GIT2: variants seen among roughly 807,000 people sequenced by gnomAD.
The protein encoded by GIT2 is GIT ArfGAP 2.
In GIT2, 32 loss-of-function variants were observed where a neutral mutation model predicts 100.3. That is an observed-to-expected ratio of 0.32 (90% CI 0.24 to 0.43). The LOEUF (loss-of-function observed/expected upper bound fraction) is 0.43. Among genes scored for constraint, GIT2 ranks in the 20% least tolerant of loss-of-function variants. The pLI, the probability that GIT2 is intolerant of heterozygous loss-of-function variation, is 1.00. For missense variants in GIT2, 737 were observed against 975.1 expected (o/e 0.76, Z 3.25); for synonymous variants, 353 against 364.1 (o/e 0.97, Z 0.35).
intron 11 of GIT2, among the ~76,000 whole-genome samples, chr12:109,960,949 G>A (rs1373149318): frequency 6.6e-6 from 1 of 152,132 alleles, no homozygotes; most frequent in African/African-American, 2.4e-5. Flanking sequence ...CCAGTTTGGA[G>A]TATCCTTTAT....
chr12:109,947,322 A>G lies in GIT2; in HGVS notation c.1575T>C (p.Tyr525=). 1 of 1,614,032 alleles carries G rather than the reference A, an allele frequency of 6.2e-7. No homozygotes were observed. Among genetic ancestry groups the G allele is most frequent in the Non-Finnish European group, 8.5e-7 (1 of 1,179,970 alleles). ...GGCGGCTCGCTTCTCCCATTGGGAG[A>G]TATGGTTTCTGACCTGATCCGGTCT... ...MYETGSGQKP[Y]LPMGEASRPE... The change falls in exon 15 of 20, where the codon TAT becomes TAC. Residue 525 remains tyrosine (Y), a synonymous_variant. Transcript: ENST00000355312. The surrounding 1 kb of genome is among the most constrained non-coding windows in gnomAD (Gnocchi z 4.3).
At chr12:109,949,121 G>A (rs976659894) in intron 14 of GIT2, 2 of 426,584 alleles carry the variant, frequency 4.7e-6, no homozygotes, top group South Asian at 4.4e-5. Flanking sequence ...GCTCATATCT[G>A]CAATTCCCTT....
rs1246072432 is a variant in GIT2 at position 109,989,055 on chromosome 12, C to T, written c.313G>A (p.Glu105Lys). 3 of 1,607,818 alleles carry T rather than the reference C, an allele frequency of 1.9e-6. No homozygotes were observed. Among genetic ancestry groups the T allele is most frequent in the Admixed American group, 1.7e-5 (1 of 59,986 alleles). The change falls in exon 4 of 20, where the codon GAA becomes AAA. Residue 105 changes from glutamate (E) to lysine (K), a missense_variant. This residue lies in a region of GIT2 where 266 missense variants were observed against 376.2 expected (regional missense o/e 0.71). Transcript: ENST00000355312. Reference protein sequence around the residue: ...PQDKVHPNKAEFIRAKYQMLA... With the variant: ...PQDKVHPNKAKFIRAKYQMLA... The stretch of plus-strand genomic sequence containing the variant: ...ATCTGATACTTGGCTCTGATGAATT[C>T]CGCTTTATTGGGACTGGTTCAAAAA...
At chr12:109,967,373 A>G in intron 8 of GIT2, 85 bp downstream of exon 8, 1 of 1,552,508 alleles carries the variant, frequency 6.4e-7, no homozygotes, top group Non-Finnish European at 8.9e-7. Flanking sequence ...GCTTTGTTAA[A>G]CACAAAATAT....
chr12:109,945,738 CTGATA>C (rs1180449466), intron 15 of GIT2, among the ~76,000 whole-genome samples: 1 of 152,080 alleles, frequency 6.6e-6, no homozygotes, highest in Non-Finnish European at 1.5e-5. Flanking sequence ...CAGTGCCTTC[CTGATA>C]TATCTTTATA....
chr12:109,941,070 C>T (rs1874541384), intron 16 of GIT2, among the ~76,000 whole-genome samples: 2 of 152,158 alleles, frequency 1.3e-5, no homozygotes, highest in Non-Finnish European at 2.9e-5. Context: ...CACTCTTCTG[C>T]TCCCAGGGCG....
chr12:109,945,337 C>A lies in GIT2; in HGVS notation c.1654G>T (p.Ala552Ser). 1 of 1,518,198 alleles carries A rather than the reference C, an allele frequency of 6.6e-7. No individual in the cohort carries two copies. The highest frequency in any genetic ancestry group is 9.1e-7 in the Non-Finnish European group (1 of 1,093,526). 94.0% of individuals were successfully genotyped at this position (1,518,198 alleles called of 1,614,324 possible). Reference sequence around the variant, plus strand: ...AGAGATGAAGAGGAGGTCACAAGTGCACTCCTCCCGATCTGGAATGGGAAA... The same window carrying A: ...AGAGATGAAGAGGAGGTCACAAGTGAACTCCTCCCGATCTGGAATGGGAAA... ...QPFPAHIGRS[A>S]LVTSSSSLPS... The change falls in exon 16 of 20, where the codon GCA becomes TCA. Residue 552 changes from alanine (A) to serine (S), a missense_variant. Physicochemically the swap from Ala to Ser is moderately conservative, Grantham distance 99. Coordinates refer to ENST00000355312, the MANE Select transcript of GIT2 (RefSeq NM_057169.5).
rs1030122860 is a variant in GIT2, at chr12:109,989,945, G to A, written c.187-143C>T. 4 of 641,338 alleles carry A rather than the reference G, an allele frequency of 6.2e-6. 1 individual carries two copies. In the Admixed American group the frequency reaches 1.2e-4, roughly 19 times the overall value. The allele number at this position is 641,338 out of a possible 1,614,324, so 39.7% of individuals were successfully genotyped here. On this transcript the variant is annotated intron_variant, in intron 2 of 19. Coordinates refer to ENST00000355312, the MANE Select transcript of GIT2 (RefSeq NM_057169.5). ...CATTCATATCATTGTTTTCTGATTT[G>A]AGAATGAGAAAGATGATCAATCTAT...
intron 13 of GIT2, among the ~76,000 whole-genome samples, chr12:109,951,973 G>A (rs527372873): frequency 6.6e-6 from 1 of 152,124 alleles, no homozygotes; most frequent in Non-Finnish European, 1.5e-5. Flanking sequence ...CAGGTGTGTG[G>A]GATGGACTGG....
chr12:109,986,799 A>C (rs572253248), intron 4 of GIT2, among the ~76,000 whole-genome samples: 142 of 151,566 alleles, frequency 9.4e-4, no homozygotes, highest in South Asian at 3.5e-3. Flanking sequence ...ACAAAAAAAA[A>C]CCAAAAGATT....
At chr12:109,998,866 A>G (rs1677982881), upstream of GIT2, 1 of 152,232 alleles carries the variant, frequency 6.6e-6, no homozygotes, top group Non-Finnish European at 1.5e-5. Context: ...ACTGCTCAGC[A>G]TCCTACAAGG....
At chr12:109,974,124 T>C in intron 7 of GIT2, among the ~76,000 whole-genome samples, 1 of 152,226 alleles carries the variant, frequency 6.6e-6, no homozygotes, top group Middle Eastern at 3.2e-3. Context: ...CTCTAAGCAT[T>C]GCTTTGGCTG....
intron 18 of GIT2, among the ~76,000 whole-genome samples, chr12:109,937,353 TGA>T (rs1873336295): frequency 6.6e-6 from 1 of 152,146 alleles, no homozygotes. Flanking sequence ...CAGCATCCCT[TGA>T]ATACTTTTTG....
chr12:109,983,162 T>C, intron 6 of GIT2: 1 of 497,970 alleles, frequency 2.0e-6, no homozygotes, highest in Non-Finnish European at 3.6e-6. Flanking sequence ...AGTAAAAGAC[T>C]GGAAGCTTAG....
chr12:109,955,050 T>G (rs1324636630), intron 12 of GIT2, among the ~76,000 whole-genome samples: 1 of 152,192 alleles, frequency 6.6e-6, no homozygotes, highest in Non-Finnish European at 1.5e-5. Context: ...CATTGTTATT[T>G]GTTGATCTAT....
intron 7 of GIT2, among the ~76,000 whole-genome samples, chr12:109,969,253 T>C (rs945611635): frequency 7.5e-5 from 11 of 147,362 alleles, no homozygotes; most frequent in African/African-American, 1.5e-4. Flanking sequence ...TTGCAACCTC[T>C]GCCTCCCGGG....
intron 12 of GIT2, among the ~76,000 whole-genome samples, chr12:109,954,846 C>T (rs1046157252): frequency 1.3e-5 from 2 of 151,062 alleles, no homozygotes; most frequent in African/African-American, 4.9e-5. Context: ...TTGCAGTGAG[C>T]CAAGACTATG....
At chr12:109,951,016 T>A in intron 14 of GIT2, 151 bp downstream of exon 14, 1 of 704,476 alleles carries the variant, frequency 1.4e-6, no homozygotes, top group Non-Finnish European at 2.5e-6. Flanking sequence ...TCCAAATACA[T>A]CCTGCTTCAA....
chr12:109,968,060 A>G (rs956810120), intron 7 of GIT2, among the ~76,000 whole-genome samples: 15 of 152,198 alleles, frequency 9.9e-5, no homozygotes, highest in African/African-American at 3.4e-4. Flanking sequence ...TTTCTTTAAC[A>G]TAAGTCTATC....
Sources: allele counts gnomAD v4.1 joint callset (sites outside exome capture counted in the v4.1 genomes callset), GRCh38; gene constraint gnomAD v4.1.1; regional missense constraint gnomAD v4.1.1; non-coding constraint Gnocchi (gnomAD v3.1); transcripts MANE v1.5; gene names NCBI Gene and HGNC (gene_info 2026-07-23, HGNC 2026-07-21).